Variants in COL13A1 observed in about 807,000 individuals in gnomAD.
COL13A1 encodes the protein collagen alpha-1(XIII) chain.
COL13A1 carries 89 observed loss-of-function variants against 130.9 expected under a neutral mutation model. The observed-to-expected ratio is 0.68, with a 90% CI of 0.57 to 0.81. The LOEUF (loss-of-function observed/expected upper bound fraction) is 0.81, where lower values mean the gene tolerates loss of function less well. Ranked by LOEUF, COL13A1 falls within the 30% of genes least tolerant of loss-of-function variation. The probability of loss-of-function intolerance (pLI) is 0.00; values close to 1 mark genes in which losing one functional copy is unlikely to be tolerated. For synonymous variants in COL13A1, 402 were observed against 341.6 expected (o/e 1.18, Z -1.95); for missense variants, 879 against 934.6 (o/e 0.94, Z 0.78).
intron 1 of COL13A1, among the ~76,000 whole-genome samples, chr10:69,804,996 G>A (rs553691894): frequency 7.2e-5 from 11 of 152,268 alleles, no homozygotes; most frequent in South Asian, 2.1e-4. Context: ...AAGCGGGCGA[G>A]TGTGAAGCCT....
At chr10:69,955,865 A>T (rs2070573289) in intron 39 of COL13A1, 1 of 152,148 alleles carries the variant, frequency 6.6e-6, no homozygotes, top group Non-Finnish European at 1.5e-5. Flanking sequence ...CCTCTGTGTT[A>T]TTATGGGCTT....
At chr10:69,941,962 A>C (rs951008931) in intron 35 of COL13A1, among the ~76,000 whole-genome samples, 1 of 152,212 alleles carries the variant, frequency 6.6e-6, no homozygotes, top group Non-Finnish European at 1.5e-5. Context: ...TTTCAAGGCC[A>C]CATCTGCCCA....
At chr10:69,844,146 G>A (rs542184633) in intron 2 of COL13A1, among the ~76,000 whole-genome samples, 3 of 152,180 alleles carry the variant, frequency 2.0e-5, no homozygotes, top group African/African-American at 4.8e-5. Flanking sequence ...GATTTGAGTC[G>A]GAGAGGGCAG....
chr10:69,922,146 T>G (rs1192483217), intron 22 of COL13A1, among the ~76,000 whole-genome samples: 2 of 151,996 alleles, frequency 1.3e-5, no homozygotes, highest in African/African-American at 4.8e-5. Context: ...ATGTAAAGAA[T>G]TCGGTAGTGA....
intron 27 of COL13A1, 48 bp downstream of exon 27, chr10:69,927,158 T>G (rs2135748270): frequency 4.4e-6 from 7 of 1,608,988 alleles, no homozygotes; most frequent in Non-Finnish European, 5.9e-6. Flanking sequence ...ACGGGGGGGC[T>G]GGGGATGGCA....
At chr10:69,930,839 A>G (rs755324365) in intron 30 of COL13A1, among the ~76,000 whole-genome samples, 1 of 152,200 alleles carries the variant, frequency 6.6e-6, no homozygotes, top group Non-Finnish European at 1.5e-5. Context: ...TGGCGATAAT[A>G]ATGTTTTCCC....
chr10:69,916,239 C>T (rs1419901086), intron 17 of COL13A1, among the ~76,000 whole-genome samples: 1 of 152,244 alleles, frequency 6.6e-6, no homozygotes, highest in Non-Finnish European at 1.5e-5. Context: ...CTGGCAGCCA[C>T]AGCAGTCACA....
chr10:69,804,607 T>C (rs1294687148), intron 1 of COL13A1, among the ~76,000 whole-genome samples: 1 of 149,836 alleles, frequency 6.7e-6, no homozygotes, highest in African/African-American at 2.4e-5. Context: ...AACCTCAGCC[T>C]CCTGGCCCTG....
intron 2 of COL13A1, among the ~76,000 whole-genome samples, chr10:69,835,338 G>A (rs758306432): frequency 2.6e-5 from 4 of 152,092 alleles, no homozygotes; most frequent in Non-Finnish European, 5.9e-5. Context: ...TAAGAGACTA[G>A]AAGGTGGGAC....
chr10:69,958,431 A>T (rs1304437691), intron 40 of COL13A1, among the ~76,000 whole-genome samples: 4 of 152,172 alleles, frequency 2.6e-5, no homozygotes, highest in Non-Finnish European at 5.9e-5. Context: ...AGTGGTTACA[A>T]CAATCAGGCC....
intron 2 of COL13A1, among the ~76,000 whole-genome samples, chr10:69,862,842 G>C (rs1288211202): frequency 6.6e-6 from 1 of 152,162 alleles, no homozygotes; most frequent in Non-Finnish European, 1.5e-5. Context: ...TACTTCACTG[G>C]GTCATTGGGC....
intron 35 of COL13A1, 83 bp downstream of exon 35, chr10:69,941,106 C>G (rs1385967139): frequency 6.3e-7 from 1 of 1,599,294 alleles, no homozygotes; most frequent in Non-Finnish European, 8.6e-7. Flanking sequence ...CCACTGTGGC[C>G]TCATTTTCCC....
chr10:69,852,047 A>G (rs1854998695), intron 2 of COL13A1, among the ~76,000 whole-genome samples: 1 of 151,742 alleles, frequency 6.6e-6, no homozygotes, highest in African/African-American at 2.4e-5. Context: ...TCTGTTTCCC[A>G]CCCCAGGGCC....
intron 1 of COL13A1, among the ~76,000 whole-genome samples, chr10:69,816,816 G>A (rs1844656349): frequency 3.3e-5 from 5 of 152,184 alleles, no homozygotes; most frequent in African/African-American, 9.7e-5. Context: ...GCAACCTGCA[G>A]GACAGTTCTT....
At chr10:69,945,753 T>C (rs769018106) in intron 37 of COL13A1, 29 bp downstream of exon 37, 1 of 1,600,148 alleles carries the variant, frequency 6.2e-7, no homozygotes, top group South Asian at 1.1e-5. Flanking sequence ...GAGGTTCCTC[T>C]CCTCCCACCC....
intron 2 of COL13A1, among the ~76,000 whole-genome samples, chr10:69,858,544 T>C (rs889718331): frequency 1.3e-5 from 2 of 152,154 alleles, no homozygotes; most frequent in Non-Finnish European, 2.9e-5. Context: ...GGAAGAACAG[T>C]GAAACTACGA....
intron 2 of COL13A1, among the ~76,000 whole-genome samples, chr10:69,849,398 T>G (rs540095264): frequency 6.6e-6 from 1 of 152,348 alleles, no homozygotes; most frequent in South Asian, 2.1e-4. Context: ...CACTGCCCTA[T>G]CATGGAGGCC....
chr10:69,958,242 G>T (rs2071172430), intron 40 of COL13A1, among the ~76,000 whole-genome samples: 2 of 152,202 alleles, frequency 1.3e-5, no homozygotes, highest in South Asian at 4.1e-4. Flanking sequence ...TAAGACCTCT[G>T]AACCCTTGAC....
At position 69,874,489 on chromosome 10, in the gene COL13A1, C is replaced by A. The variant is rs1220341734; in HGVS notation, c.400-639C>A. Reference sequence around the variant, plus strand: ...AGCAGATTTCCAGAGTGAGATGTAACCCCTGGCTACAAAACAAAGCATTTC... The same window carrying A: ...AGCAGATTTCCAGAGTGAGATGTAAACCCTGGCTACAAAACAAAGCATTTC... On this transcript the variant is annotated intron_variant, in intron 4 of 40. Transcript: ENST00000645393. 2.6e-5 allele frequency among the ~76,000 whole-genome samples: 4 copies of A among 152,212 alleles called. No homozygotes were observed. The East Asian group carries it at 5.8e-4, about 22-fold the overall frequency.
Sources: allele counts gnomAD v4.1 joint callset (sites outside exome capture counted in the v4.1 genomes callset), GRCh38; gene constraint gnomAD v4.1.1; transcripts MANE v1.5; gene names NCBI Gene and HGNC (gene_info 2026-07-23, HGNC 2026-07-21).